The following PAMR1 variants were observed in gnomAD, a reference collection of about 807,000 sequenced individuals.
PAMR1 encodes inactive serine protease PAMR1.
PAMR1 carries 88 observed loss-of-function variants against 81.8 expected under a neutral mutation model. The ratio of observed to expected loss-of-function variants is 1.08; its 90% CI spans 0.91 to 1.28. PAMR1 has a LOEUF of 1.28. Ranked by LOEUF, PAMR1 falls within the 50% of genes most tolerant of loss-of-function variation. PAMR1 has a pLI of 0.00. For missense variants in PAMR1, 935 were observed against 919.7 expected (o/e 1.02, Z -0.21); for synonymous variants, 336 against 345.3 (o/e 0.97, Z 0.30).
At chr11:35,440,610 A>T (rs531980241) in intron 7 of PAMR1, among the ~76,000 whole-genome samples, 4 of 152,200 alleles carry the variant, frequency 2.6e-5, no homozygotes, top group Non-Finnish European at 2.9e-5. Context: ...CCTGCCCCCA[A>T]ATAGAGAGGA....
chr11:35,503,973 T>C (rs1370270451), intron 1 of PAMR1, among the ~76,000 whole-genome samples: 2 of 152,072 alleles, frequency 1.3e-5, no homozygotes, highest in Admixed American at 6.6e-5. Context: ...AACCTTTCCA[T>C]TTTTTTCCCC....
In PAMR1 at chr11:35,474,724, C is replaced by T. The variant is rs140553636; in HGVS notation, c.400G>A (p.Ala134Thr). The change falls in exon 4 of 11, where the codon GCC becomes ACC. Residue 134 changes from alanine to threonine, a missense_variant. Ala to Thr is a moderately conservative substitution (Grantham distance 58, BLOSUM62 0). Transcript: ENST00000619888. ...DCMRCGQVLR[A>T]PKGQILLESY... ...TCCAACAAAATCTGACCCTTTGGGG[C>T]TCGCAGAACCTGGCCACATCCTAAG... The T allele has an allele frequency of 1.9e-6, 3 of 1,609,628 alleles. No homozygotes were observed. Among genetic ancestry groups the T allele is most frequent in the East Asian group, 2.2e-5 (1 of 44,752 alleles).
intron 10 of PAMR1, 36 bp downstream of exon 10, chr11:35,434,476 C>A: frequency 6.3e-7 from 1 of 1,588,218 alleles, no homozygotes; most frequent in East Asian, 2.2e-5. Context: ...TTTTTTGAGC[C>A]AGAGCCCCAG....
At chr11:35,443,442 G>C (rs546758481) in intron 6 of PAMR1, among the ~76,000 whole-genome samples, 27 of 152,180 alleles carry the variant, frequency 1.8e-4, no homozygotes, top group African/African-American at 6.3e-4. Flanking sequence ...TCCCACTTAT[G>C]AGTGAGAACA....
intron 8 of PAMR1, among the ~76,000 whole-genome samples, chr11:35,437,811 T>A (rs1467870125): frequency 1.3e-5 from 2 of 152,220 alleles, no homozygotes; most frequent in African/African-American, 2.4e-5. Flanking sequence ...AACAGGTTGA[T>A]CCCACTTAGT....
intron 6 of PAMR1, among the ~76,000 whole-genome samples, chr11:35,464,497 A>G (rs11033136): frequency 0.34 from 51,769 of 152,086 alleles, 9,105 homozygotes; most frequent in African/African-American, 0.44. Flanking sequence ...TAGCAGCATC[A>G]CTGGCCTCTA....
chr11:35,468,106 A>G lies in PAMR1; in HGVS notation c.715T>C (p.Cys239Arg). The G allele has an allele frequency of 6.5e-7, 1 of 1,549,012 alleles. No individual in the cohort carries two copies. The highest frequency in any genetic ancestry group is 8.7e-7 in the Non-Finnish European group (1 of 1,144,252). The stretch of plus-strand genomic sequence containing the variant: ...TCATGGAAACAAGGGGATGAGGAGC[A>G]TGCTGTAAGAGAAAAGGCATCCTTC... ...FHAIYEEITACSSSPCFHDGT... is the reference protein window; with the variant it reads ...FHAIYEEITARSSSPCFHDGT... Residue 239 changes from cysteine to arginine, a missense_variant and splice_region_variant, in exon 6 of 11, where the codon TGC becomes CGC. Transcript: ENST00000619888.
upstream of PAMR1, chr11:35,526,094 T>C (rs191591897): frequency 4.6e-4 from 73 of 158,946 alleles, no homozygotes; most frequent in East Asian, 0.011. Context: ...GAGTTGGTGA[T>C]GGGAGGAGAA....
At chr11:35,485,565 TC>T (rs1229794444) in intron 3 of PAMR1, among the ~76,000 whole-genome samples, 1 of 152,228 alleles carries the variant, frequency 6.6e-6, no homozygotes, top group African/African-American at 2.4e-5. Context: ...TTGCCCATCC[TC>T]CTGGATAATA....
intron 1 of PAMR1, among the ~76,000 whole-genome samples, chr11:35,514,910 T>G (rs2135421723): frequency 6.6e-6 from 1 of 152,118 alleles, no homozygotes; most frequent in Admixed American, 6.5e-5. Flanking sequence ...GAAGCTGAGG[T>G]GGGAGGATCA....
At chr11:35,450,490 C>T (rs1856392067) in intron 6 of PAMR1, among the ~76,000 whole-genome samples, 1 of 152,140 alleles carries the variant, frequency 6.6e-6, no homozygotes, top group Non-Finnish European at 1.5e-5. Context: ...TCACAAAACT[C>T]CAGTGCTTAC....
rs111309886 is a variant in PAMR1 at position 35,479,540 on chromosome 11, T to G, written c.380-4796A>C. Among the ~76,000 whole-genome samples, 1,223 of 152,336 alleles carry G rather than the reference T, an allele frequency of 8.0e-3. 11 individuals carry two copies. Among genetic ancestry groups the G allele is most frequent in the African/African-American group, 0.028 (1,145 of 41,560 alleles). On this transcript the variant is annotated intron_variant, in intron 3 of 10. Coordinates refer to ENST00000619888, the MANE Select transcript of PAMR1 (RefSeq NM_001001991.3). ...GTCTGGATCTGAGGCACTGATTGTTTTGGTCCAGGAATCACAGGGGACAGC... is the reference window on the plus strand; with the variant it reads ...GTCTGGATCTGAGGCACTGATTGTTGTGGTCCAGGAATCACAGGGGACAGC...
chr11:35,503,787 T>A (rs1426231065), intron 1 of PAMR1, among the ~76,000 whole-genome samples: 1 of 152,146 alleles, frequency 6.6e-6, no homozygotes, highest in Non-Finnish European at 1.5e-5. Context: ...AGATTTTTTT[T>A]AAATATAAGA....
intron 4 of PAMR1, among the ~76,000 whole-genome samples, chr11:35,472,085 G>T (rs143137865): frequency 1.5e-4 from 23 of 152,280 alleles, no homozygotes; most frequent in Admixed American, 4.6e-4. Flanking sequence ...CTTCACAAAG[G>T]GTTGATCACA....
intron 3 of PAMR1, among the ~76,000 whole-genome samples, chr11:35,483,121 G>A (rs987562421): frequency 1.3e-5 from 2 of 152,266 alleles, no homozygotes; most frequent in Admixed American, 6.5e-5. Context: ...TAGGCTGGTG[G>A]GAGAACTGAT....
chr11:35,498,524 A>G (rs1012095149), intron 1 of PAMR1, among the ~76,000 whole-genome samples: 3 of 151,692 alleles, frequency 2.0e-5, no homozygotes, highest in African/African-American at 7.2e-5. Context: ...AGAAAAAAAG[A>G]AAAACAATAG....
intron 10 of PAMR1, among the ~76,000 whole-genome samples, chr11:35,433,877 AAGAT>A (rs1855973152): frequency 6.6e-6 from 1 of 151,518 alleles, no homozygotes; most frequent in Non-Finnish European, 1.5e-5. Flanking sequence ...GATGGATGAA[AAGAT>A]AGATGGATAG....
At chr11:35,450,272 A>G (rs568842694) in intron 6 of PAMR1, among the ~76,000 whole-genome samples, 1 of 152,098 alleles carries the variant, frequency 6.6e-6, no homozygotes, top group African/African-American at 2.4e-5. Context: ...TGTCCACTCT[A>G]AGACCGTCCA....
chr11:35,511,648 A>G (rs1436671765), intron 1 of PAMR1, among the ~76,000 whole-genome samples: 1 of 152,214 alleles, frequency 6.6e-6, no homozygotes, highest in South Asian at 2.1e-4. Context: ...TCTGAATTCT[A>G]TAAACTTTCT....
Sources: gnomAD v4.1 joint callset for allele counts (sites outside exome capture counted in the v4.1 genomes callset) on GRCh38, gnomAD v4.1.1 for gene constraint, MANE v1.5 for transcripts, NCBI Gene and HGNC (gene_info 2026-07-23, HGNC 2026-07-21) for gene names.